The following FOXP1 variants were observed in gnomAD, a reference collection of about 807,000 sequenced individuals.
FOXP1 encodes the protein forkhead box P1, also known as forkhead box protein P1.
FOXP1 carries 15 observed loss-of-function variants against 98.2 expected under a neutral mutation model. The observed-to-expected ratio is 0.15, with a 90% CI of 0.10 to 0.24. The LOEUF (loss-of-function observed/expected upper bound fraction) is 0.24, where lower values mean the gene tolerates loss of function less well. Ranked by LOEUF, FOXP1 falls within the 10% of genes least tolerant of loss-of-function variation. FOXP1 has a pLI of 1.00. For missense variants in FOXP1, 633 were observed against 848.5 expected (o/e 0.75, Z 3.15); for synonymous variants, 371 against 314.5 (o/e 1.18, Z -1.90).
At chr3:71,035,614 T>C (rs1239277294) in intron 11 of FOXP1, among the ~76,000 whole-genome samples, 1 of 152,206 alleles carries the variant, frequency 6.6e-6, no homozygotes, top group East Asian at 1.9e-4. Context: ...CCTTGACTCA[T>C]GTTGGCAGGA....
At chr3:71,462,610 G>A (rs146720421) in intron 3 of FOXP1, among the ~76,000 whole-genome samples, 5 of 152,288 alleles carry the variant, frequency 3.3e-5, no homozygotes, top group Admixed American at 1.3e-4. Context: ...GGTGTCTTCA[G>A]CCAAAACCTC....
chr3:71,348,146 C>T (rs2077492528), intron 4 of FOXP1, among the ~76,000 whole-genome samples: 1 of 152,072 alleles, frequency 6.6e-6, no homozygotes, highest in Non-Finnish European at 1.5e-5. Context: ...TTTTCTTGTA[C>T]TGTACTCACT....
At chr3:71,276,831 G>T (rs2070947241) in intron 5 of FOXP1, among the ~76,000 whole-genome samples, 2 of 151,960 alleles carry the variant, frequency 1.3e-5, no homozygotes, top group Non-Finnish European at 1.5e-5. Context: ...GCCTACAGTG[G>T]TACAGAACAA....
chr3:71,304,760 T>G (rs2074136010), intron 4 of FOXP1: 1 of 152,208 alleles, frequency 6.6e-6, no homozygotes, highest in South Asian at 2.1e-4. Context: ...GTCTCTAGAC[T>G]GATTTGTACC....
chr3:71,262,974 G>A (rs2069301796), intron 5 of FOXP1, among the ~76,000 whole-genome samples: 1 of 152,136 alleles, frequency 6.6e-6, no homozygotes, highest in Non-Finnish European at 1.5e-5. Context: ...CCCTTTGAAA[G>A]CAAAAGTAAA....
intron 2 of FOXP1, chr3:71,571,555 G>GT (rs2047342797): frequency 6.6e-6 from 1 of 152,170 alleles, no homozygotes; most frequent in Admixed American, 6.5e-5. Context: ...AAAAAATTAA[G>GT]TTTTTCCAAT....
At chr3:71,101,847 G>A (rs545676958) in intron 7 of FOXP1, among the ~76,000 whole-genome samples, 2 of 152,222 alleles carry the variant, frequency 1.3e-5, no homozygotes, top group East Asian at 3.9e-4. Flanking sequence ...ACCGCTAAAC[G>A]TTGAGCTCTG....
intron 6 of FOXP1, among the ~76,000 whole-genome samples, chr3:71,145,208 C>T (rs2060250743): frequency 6.6e-6 from 1 of 152,104 alleles, no homozygotes; most frequent in South Asian, 2.1e-4. Context: ...GTATGAGTAA[C>T]TGTATGTTTA....
chr3:71,258,880 T>C (rs2068857453), intron 5 of FOXP1, among the ~76,000 whole-genome samples: 1 of 152,030 alleles, frequency 6.6e-6, no homozygotes, highest in Admixed American at 6.6e-5. Flanking sequence ...GTACAGTGGC[T>C]CATGCCTGTA....
At chr3:71,562,642 C>A (rs1234404896) in intron 2 of FOXP1, among the ~76,000 whole-genome samples, 2 of 152,158 alleles carry the variant, frequency 1.3e-5, no homozygotes, top group Admixed American at 1.3e-4. Flanking sequence ...TTATCAACAA[C>A]AAAATCATTT....
At chr3:71,368,481 C>T (rs2079071594) in intron 3 of FOXP1, among the ~76,000 whole-genome samples, 1 of 152,112 alleles carries the variant, frequency 6.6e-6, no homozygotes, top group South Asian at 2.1e-4. Context: ...AAGTTAAGAA[C>T]CACTGTGGGT....
At chr3:71,098,116 T>C (rs2056632710) in intron 7 of FOXP1, among the ~76,000 whole-genome samples, 1 of 152,228 alleles carries the variant, frequency 6.6e-6, no homozygotes, top group Non-Finnish European at 1.5e-5. Context: ...AATTCTGTTT[T>C]GCTTTCATTT....
At chr3:71,045,645 TG>T (rs1422087810) in intron 10 of FOXP1, among the ~76,000 whole-genome samples, 10 of 152,254 alleles carry the variant, frequency 6.6e-5, no homozygotes, top group African/African-American at 2.4e-4. Flanking sequence ...TGAGCAGTCA[TG>T]GCAGAAAGGA....
intron 5 of FOXP1, among the ~76,000 whole-genome samples, chr3:71,230,854 G>A (rs1482995043): frequency 6.6e-6 from 1 of 152,188 alleles, no homozygotes; most frequent in Admixed American, 6.5e-5. Flanking sequence ...GAGGGGGGTG[G>A]TGGCTTGAAG....
chr3:71,149,465 C>T (rs964562835), intron 6 of FOXP1, among the ~76,000 whole-genome samples: 2 of 152,082 alleles, frequency 1.3e-5, no homozygotes, highest in East Asian at 3.9e-4. Flanking sequence ...TGCATTTTTA[C>T]TTTATTACTG....
At chr3:71,503,614 A>AAC (rs1270944076) in intron 2 of FOXP1, among the ~76,000 whole-genome samples, 1 of 151,584 alleles carries the variant, frequency 6.6e-6, no homozygotes, top group Admixed American at 6.6e-5. Context: ...AAAAAAAAAA[A>AAC]AAAAAAACAC....
chr3:71,048,938 C>G (rs2049430445), intron 9 of FOXP1, among the ~76,000 whole-genome samples: 1 of 151,980 alleles, frequency 6.6e-6, no homozygotes, highest in Non-Finnish European at 1.5e-5. Flanking sequence ...GGAAAAAGCT[C>G]ATGAAAGCTG....
chr3:70,964,419 T>C (rs952894161), intron 20 of FOXP1, among the ~76,000 whole-genome samples: 7 of 152,252 alleles, frequency 4.6e-5, no homozygotes, highest in Admixed American at 1.3e-4. Context: ...TTTATACTAA[T>C]AGGAATATAT....
chr3:71,254,465 G>A (rs753446791), intron 5 of FOXP1, among the ~76,000 whole-genome samples: 1 of 152,264 alleles, frequency 6.6e-6, no homozygotes, highest in Non-Finnish European at 1.5e-5. Flanking sequence ...AGAGCTCTGC[G>A]AATGCCAGGA....
Sources: allele counts gnomAD v4.1 joint callset (sites outside exome capture counted in the v4.1 genomes callset), GRCh38; gene constraint gnomAD v4.1.1; transcripts MANE v1.5; gene names NCBI Gene and HGNC (gene_info 2026-07-23, HGNC 2026-07-21).